ZNF92: variants seen among roughly 807,000 people sequenced by gnomAD.
The protein encoded by ZNF92 is epididymis luminal protein 203.
ZNF92 carries 11 observed loss-of-function variants against 12.4 expected under a neutral mutation model. The observed-to-expected ratio is 0.89, with a 90% CI of 0.56 to 1.47. The LOEUF (loss-of-function observed/expected upper bound fraction) is 1.47. Ranked by LOEUF, ZNF92 falls within the 40% of genes most tolerant of loss-of-function variation. The pLI is 0.00. For missense variants in ZNF92, 622 were observed against 681.0 expected, an observed-to-expected ratio of 0.91 and a Z score of 0.96; for synonymous variants, 206 against 228.6, an observed-to-expected ratio of 0.90 and a Z score of 0.89.
intron 1 of ZNF92, among the ~76,000 whole-genome samples, chr7:65,375,342 G>A (rs1793210938): frequency 6.6e-6 from 1 of 152,152 alleles, no homozygotes; most frequent in East Asian, 1.9e-4. Flanking sequence ...CAGCTCCTGG[G>A]TCATTTTCTC....
rs775136455 is a variant in ZNF92, at chr7:65,398,891, T to C, written c.777T>C (p.Cys259=). ...ATACTGGAGAGAAACCCTACAAATG[T>C]GAAGAATGTGGCAAAGCTTTTAACC... ...IIHTGEKPYK[C]EECGKAFNRS... is the part of the protein sequence containing the mutation. The change falls in exon 4 of 4, where the codon TGT becomes TGC. Residue 259 remains cysteine, a synonymous_variant. Transcript: ENST00000328747. 9 of 1,613,124 alleles carry C rather than the reference T, an allele frequency of 5.6e-6. No homozygotes were observed. Among genetic ancestry groups the C allele is most frequent in the Middle Eastern group, 1.6e-4 (1 of 6,082 alleles).
intron 1 of ZNF92, among the ~76,000 whole-genome samples, chr7:65,382,989 C>A (rs1349024470): frequency 2.0e-5 from 3 of 152,104 alleles, no homozygotes; most frequent in Non-Finnish European, 4.4e-5. Flanking sequence ...ACTAATAATG[C>A]TACGCTGAAC....
chr7:65,391,690 C>T (rs1209997945), intron 3 of ZNF92, among the ~76,000 whole-genome samples: 1 of 152,000 alleles, frequency 6.6e-6, no homozygotes, highest in Non-Finnish European at 1.5e-5. Flanking sequence ...AGTTGGATTG[C>T]AGCAGTTTCA....
chr7:65,392,107 AAGTC>A (rs1351290708), intron 3 of ZNF92, among the ~76,000 whole-genome samples: 3 of 152,132 alleles, frequency 2.0e-5, no homozygotes, highest in Non-Finnish European at 4.4e-5. Flanking sequence ...ACTGGGAAAT[AAGTC>A]AGCCATATGT....
At chr7:65,375,597 A>G (rs73701704) in intron 1 of ZNF92, among the ~76,000 whole-genome samples, 5,203 of 147,936 alleles carry the variant, frequency 0.035, 289 homozygotes, top group African/African-American at 0.12. Context: ...AGATTTGTGG[A>G]AAAAAAAAAA....
chr7:65,376,987 T>C (rs181679179), intron 1 of ZNF92, among the ~76,000 whole-genome samples: 2 of 152,270 alleles, frequency 1.3e-5, no homozygotes, highest in East Asian at 3.9e-4. Context: ...AGTTTCACGC[T>C]AAATTTTACG....
Position 65,398,965 on chromosome 7 carries a change from C to T in ZNF92, c.851C>T (p.Pro284Leu), listed in dbSNP as rs1287858167. 6.2e-7 allele frequency: 1 copy of T among 1,613,250 alleles called. No individual in the cohort carries two copies. The highest frequency in any genetic ancestry group is 8.5e-7 in the Non-Finnish European group (1 of 1,179,724). The change falls in exon 4 of 4, where the codon CCC (proline) becomes CTC (leucine). Residue 284 changes from proline to leucine, a missense_variant. By Grantham distance (98) the Pro-to-Leu change is moderately conservative (BLOSUM62 -3). Coordinates refer to ENST00000328747, the MANE Select transcript of ZNF92 (RefSeq NM_152626.4). ...KHKRIHTEEK[P>L]YKCEECGKAF... ...AAAAGAATTCATACAGAAGAGAAAC[C>T]CTACAAATGTGAAGAATGTGGCAAG...
Position 65,376,530 on chromosome 7 carries a change from T to A in ZNF92, c.3+2530T>A, listed in dbSNP as rs181775186. On this transcript the variant is annotated intron_variant, in intron 1 of 3. Coordinates refer to ENST00000328747, the MANE Select transcript of ZNF92 (RefSeq NM_152626.4). ...GGTGTGATCTCAGCTCACTGTGACCTCTGCCTCCCAGGTTCAAGCGATTCT... is the reference window on the plus strand; with the variant it reads ...GGTGTGATCTCAGCTCACTGTGACCACTGCCTCCCAGGTTCAAGCGATTCT... 1.4e-3 allele frequency among the ~76,000 whole-genome samples: 219 copies of A among 152,244 alleles called. 1 individual carries two copies. Among genetic ancestry groups the A allele is most frequent in the Non-Finnish European group, 2.7e-3 (185 of 68,010 alleles).
chr7:65,378,839 G>C (rs1262466993), intron 1 of ZNF92, among the ~76,000 whole-genome samples: 1 of 152,090 alleles, frequency 6.6e-6, no homozygotes, highest in Non-Finnish European at 1.5e-5. Flanking sequence ...ATCTGACTAT[G>C]TGATAGGTAA....
chr7:65,388,628 G>A (rs938868727), intron 2 of ZNF92, among the ~76,000 whole-genome samples, 178 bp from the exon 3 acceptor site: 6 of 146,396 alleles, frequency 4.1e-5, no homozygotes, highest in African/African-American at 1.6e-4. Flanking sequence ...ACAGAGTGAG[G>A]CTCTGTCTTT....
intron 1 of ZNF92, among the ~76,000 whole-genome samples, chr7:65,378,537 C>T (rs893941690): frequency 2.0e-5 from 3 of 151,640 alleles, no homozygotes; most frequent in African/African-American, 7.3e-5. Context: ...GGTCAGAAGA[C>T]CGAGACCATC....
chr7:65,374,970 C>A (rs2116325336), intron 1 of ZNF92, among the ~76,000 whole-genome samples: 1 of 152,170 alleles, frequency 6.6e-6, no homozygotes, highest in East Asian at 1.9e-4. Flanking sequence ...TTCGCATTAG[C>A]AAGTGTGTTT....
Position 65,399,830 on chromosome 7 carries a change from C to T in ZNF92, c.1716C>T (p.Ala572=). 2 of 1,599,254 alleles carry T rather than the reference C, an allele frequency of 1.3e-6. No individual in the cohort carries two copies. The highest frequency in any genetic ancestry group is 8.5e-7 in the Non-Finnish European group (1 of 1,174,130). ...EKPCKHECGR[A]FNKSSNYTKE... is the part of the protein sequence containing the mutation. ...CCTGCAAACATGAATGTGGCAGAGCCTTTAACAAATCCTCAAATTATACTA... is the reference window on the plus strand; with the variant it reads ...CCTGCAAACATGAATGTGGCAGAGCTTTTAACAAATCCTCAAATTATACTA... Residue 572 remains alanine, a synonymous_variant, in exon 4 of 4, where the codon GCC becomes GCT. Coordinates refer to ENST00000328747, the MANE Select transcript of ZNF92 (RefSeq NM_152626.4).
chr7:65,380,872 C>T (rs1457273902), intron 1 of ZNF92, among the ~76,000 whole-genome samples: 1 of 151,912 alleles, frequency 6.6e-6, no homozygotes, highest in Non-Finnish European at 1.5e-5. Flanking sequence ...ATTTTTTTGA[C>T]TTTTTTGGTA....
At chr7:65,381,498 GTTTTGT>G (rs1156296005) in intron 1 of ZNF92, among the ~76,000 whole-genome samples, 5 of 151,798 alleles carry the variant, frequency 3.3e-5, no homozygotes, top group Non-Finnish European at 7.4e-5. Flanking sequence ...TTTCTTGTGG[GTTTTGT>G]TTTTGTTTTC....
At position 65,399,998 on chromosome 7, in the gene ZNF92, GATA is replaced by G; in HGVS notation, c.*126_*128del. ...GGTTGTCACGCTTGATTGTAGGTAAGATAATTTATATTGGAGAAAAATCCTCCA... is the reference window on the plus strand; with the variant it reads ...GGTTGTCACGCTTGATTGTAGGTAAGATTTATATTGGAGAAAAATCCTCCA... On this transcript the variant is annotated 3_prime_UTR_variant, in exon 4 of 4. Coordinates refer to ENST00000328747, the MANE Select transcript of ZNF92 (RefSeq NM_152626.4). 1 of 895,624 alleles carries G rather than the reference GATA, an allele frequency of 1.1e-6. No individual in the cohort carries two copies. The highest frequency in any genetic ancestry group is 1.6e-6 in the Non-Finnish European group (1 of 623,560). The allele number at this position is 895,624 out of a possible 1,614,324, so 55.5% of individuals were successfully genotyped here.
At chr7:65,375,170 T>A (rs533505161) in intron 1 of ZNF92, among the ~76,000 whole-genome samples, 1 of 152,204 alleles carries the variant, frequency 6.6e-6, no homozygotes, top group African/African-American at 2.4e-5. Context: ...GGCACAGAGA[T>A]CTTATCAGAA....
intron 3 of ZNF92, among the ~76,000 whole-genome samples, chr7:65,396,544 T>G (rs1268242626): frequency 6.6e-6 from 1 of 152,146 alleles, no homozygotes; most frequent in Non-Finnish European, 1.5e-5. Flanking sequence ...ACTTTAAGGG[T>G]TTGATGCTCC....
chr7:65,386,474 G>T (rs1429518042), intron 1 of ZNF92, among the ~76,000 whole-genome samples: 2 of 152,038 alleles, frequency 1.3e-5, no homozygotes, highest in Non-Finnish European at 2.9e-5. Context: ...TTGGGGAAAA[G>T]CTGGGGTCCT....
Sources: gnomAD v4.1 joint callset for allele counts (sites outside exome capture counted in the v4.1 genomes callset) on GRCh38, gnomAD v4.1.1 for gene constraint, MANE v1.5 for transcripts, NCBI Gene and HGNC (gene_info 2026-07-23, HGNC 2026-07-21) for gene names.